The following MAGI2 variants were observed in gnomAD, a reference collection of about 807,000 sequenced individuals.
MAGI2 encodes membrane associated guanylate kinase, WW and PDZ domain containing 2.
A neutral mutation model predicts 133.3 loss-of-function variants in MAGI2; 35 were observed. The observed-to-expected ratio is 0.26, with a 90% confidence interval of 0.20 to 0.35. The LOEUF is 0.35. MAGI2 is among the 10% of genes least tolerant of loss of function. The pLI is 1.00. For synonymous variants in MAGI2, 729 were observed against 710.6 expected (o/e 1.03, Z -0.41); for missense variants, 1,636 against 1,863.4 (o/e 0.88, Z 2.25).
intron 1 of MAGI2, among the ~76,000 whole-genome samples, chr7:79,434,588 C>T (rs1386695866): frequency 2.0e-5 from 3 of 152,102 alleles, no homozygotes; most frequent in Non-Finnish European, 4.4e-5. Context: ...CAAAAATCTA[C>T]CACAGCATAA....
intron 10 of MAGI2, among the ~76,000 whole-genome samples, chr7:78,214,435 C>A (rs1431515627): frequency 6.6e-6 from 1 of 152,148 alleles, no homozygotes; most frequent in African/African-American, 2.4e-5. Flanking sequence ...ATCCCTGATA[C>A]TATCTTTTTG....
chr7:78,411,171 A>G (rs1797840036), intron 6 of MAGI2, among the ~76,000 whole-genome samples: 1 of 152,006 alleles, frequency 6.6e-6, no homozygotes, highest in East Asian at 1.9e-4. Context: ...CCTATGTAGC[A>G]GCCTCATTTT....
intron 1 of MAGI2, among the ~76,000 whole-genome samples, chr7:79,088,393 A>G (rs956635007): frequency 2.6e-5 from 4 of 152,168 alleles, no homozygotes; most frequent in Non-Finnish European, 2.9e-5. Flanking sequence ...GTTGCTTATC[A>G]GCATAGGGAG....
At chr7:78,587,000 C>T (rs1803485993) in intron 3 of MAGI2, among the ~76,000 whole-genome samples, 1 of 152,104 alleles carries the variant, frequency 6.6e-6, no homozygotes, top group Non-Finnish European at 1.5e-5. Context: ...GGGTTGCTTC[C>T]ACCTTTTGGC....
At chr7:78,598,236 G>A (rs754621408) in intron 3 of MAGI2, among the ~76,000 whole-genome samples, 61 of 152,002 alleles carry the variant, frequency 4.0e-4, no homozygotes, top group Admixed American at 8.5e-4. Context: ...TAGTGGCCAC[G>A]GAAATAAATA....
At chr7:78,918,340 C>A (rs571078699) in intron 2 of MAGI2, among the ~76,000 whole-genome samples, 3 of 152,154 alleles carry the variant, frequency 2.0e-5, no homozygotes, top group Non-Finnish European at 4.4e-5. Flanking sequence ...ATAACTCCTG[C>A]AATTGCATTC....
intron 2 of MAGI2, among the ~76,000 whole-genome samples, chr7:78,817,832 C>T (rs775735755): frequency 1.9e-4 from 29 of 152,040 alleles, no homozygotes; most frequent in Non-Finnish European, 3.7e-4. Flanking sequence ...GCCTCAGCCT[C>T]CCAAGTAGCT....
intron 9 of MAGI2, among the ~76,000 whole-genome samples, chr7:78,334,543 C>T (rs928907959): frequency 6.6e-6 from 1 of 152,154 alleles, no homozygotes; most frequent in African/African-American, 2.4e-5. Flanking sequence ...AGCCCATAGT[C>T]TCCACCCTAA....
intron 2 of MAGI2, among the ~76,000 whole-genome samples, chr7:78,882,324 T>G (rs1246284306): frequency 1.3e-5 from 2 of 151,722 alleles, no homozygotes; most frequent in Admixed American, 1.3e-4. Context: ...AGGAAGAAAT[T>G]GAAGCCGTGA....
chr7:78,209,442 A>C (rs1227547690), intron 10 of MAGI2, among the ~76,000 whole-genome samples: 1 of 151,126 alleles, frequency 6.6e-6, no homozygotes, highest in African/African-American at 2.4e-5. Flanking sequence ...TTGTATTTTT[A>C]GTAGAGATGG....
intron 1 of MAGI2, chr7:79,414,210 A>G (rs1043895111): frequency 1.3e-5 from 2 of 152,194 alleles, no homozygotes; most frequent in African/African-American, 4.8e-5. Flanking sequence ...TAATGAATAA[A>G]TTGTAGGCAT....
At chr7:78,235,846 T>G (rs988019405) in intron 10 of MAGI2, among the ~76,000 whole-genome samples, 1 of 151,686 alleles carries the variant, frequency 6.6e-6, no homozygotes, top group African/African-American at 2.4e-5. Context: ...AACCCTGGGG[T>G]TTTTTTTACA....
intron 2 of MAGI2, among the ~76,000 whole-genome samples, chr7:78,894,754 A>T (rs1797069767): frequency 6.6e-6 from 1 of 152,188 alleles, no homozygotes; most frequent in Non-Finnish European, 1.5e-5. Context: ...AATATTCTGA[A>T]TTCAAGTGTT....
chr7:78,863,106 A>G lies in MAGI2; in HGVS notation c.418+143984T>C, dbSNP rs186328540. On this transcript the variant is annotated intron_variant, in intron 2 of 21. Coordinates refer to ENST00000354212, the MANE Select transcript of MAGI2 (RefSeq NM_012301.4). ...GTGGCTATAAAGAAGTTCATTAATTACAAATGACTTAAAACATGATAGCAA... is the reference window on the plus strand; with the variant it reads ...GTGGCTATAAAGAAGTTCATTAATTGCAAATGACTTAAAACATGATAGCAA... Among the ~76,000 whole-genome samples the G allele has an allele frequency of 7.2e-5, 11 of 152,366 alleles. No individual in the cohort carries two copies. In the East Asian group the frequency reaches 2.1e-3, roughly 29 times the overall value.
intron 1 of MAGI2, among the ~76,000 whole-genome samples, chr7:79,327,137 G>A (rs1226332195): frequency 2.0e-5 from 3 of 152,102 alleles, no homozygotes; most frequent in Non-Finnish European, 4.4e-5. Context: ...GTGACCTGGG[G>A]TAAACTGCTG....
chr7:78,312,376 G>A (rs1466030759), intron 9 of MAGI2, among the ~76,000 whole-genome samples: 1 of 152,006 alleles, frequency 6.6e-6, no homozygotes, highest in Non-Finnish European at 1.5e-5. Context: ...AATGAGTATA[G>A]GCGAACTGTA....
chr7:78,573,325 T>A (rs1164880984), intron 3 of MAGI2, among the ~76,000 whole-genome samples: 19 of 67,080 alleles, frequency 2.8e-4, no homozygotes, highest in African/African-American at 6.6e-4. Context: ...TATATAAATA[T>A]ATATATAAAT....
chr7:78,070,174 CATAT>C (rs57714371), intron 21 of MAGI2, among the ~76,000 whole-genome samples: 4,937 of 54,922 alleles, frequency 0.09, 113 homozygotes, highest in Non-Finnish European at 0.1. Context: ...CACACACACA[CATAT>C]ATATATATAT....
chr7:78,742,711 A>G (rs1227017767), intron 2 of MAGI2, among the ~76,000 whole-genome samples: 7 of 152,200 alleles, frequency 4.6e-5, no homozygotes, highest in Admixed American at 2.6e-4. Context: ...ATCCATCAAG[A>G]AGTTAAATCT....
Sources: allele counts gnomAD v4.1 joint callset (sites outside exome capture counted in the v4.1 genomes callset), GRCh38; gene constraint gnomAD v4.1.1; transcripts MANE v1.5; gene names NCBI Gene and HGNC (gene_info 2026-07-23, HGNC 2026-07-21).